WWC2: variants seen among roughly 807,000 people sequenced by gnomAD.
WWC2 encodes WW and C2 domain containing 2.
In WWC2, 101 loss-of-function variants were observed where a neutral mutation model predicts 138.5. The observed-to-expected ratio is 0.73, with a 90% CI of 0.62 to 0.86. The LOEUF (loss-of-function observed/expected upper bound fraction) is 0.86. Among genes scored for constraint, WWC2 ranks in the 40% least tolerant of loss-of-function variants. The pLI, the probability that WWC2 is intolerant of heterozygous loss-of-function variation, is 0.00. For synonymous variants in WWC2, 558 were observed against 538.4 expected (o/e 1.04, Z -0.50); for missense variants, 1,420 against 1,419.4 (o/e 1.00, Z -0.01).
chr4:183,282,214 A>G (rs891340355), intron 17 of WWC2, among the ~76,000 whole-genome samples: 1 of 152,218 alleles, frequency 6.6e-6, no homozygotes, highest in Non-Finnish European at 1.5e-5. Flanking sequence ...GGCTTTTGTT[A>G]AAAATGAGCC....
intron 1 of WWC2, among the ~76,000 whole-genome samples, chr4:183,110,399 T>A (rs1732194347): frequency 6.6e-6 from 1 of 152,170 alleles, no homozygotes. Flanking sequence ...CCTGTCACTT[T>A]GAAGCATGTC....
At chr4:183,146,617 G>A (rs1362884788) in intron 1 of WWC2, among the ~76,000 whole-genome samples, 1 of 152,152 alleles carries the variant, frequency 6.6e-6, no homozygotes, top group African/African-American at 2.4e-5. Flanking sequence ...GTGTGCACAG[G>A]CTGGCCTGCT....
rs1245352026 is a variant in WWC2 at position 183,262,431 on chromosome 4, A to G, written c.1909+899A>G. ...TTAGAAGTGCTCTCTTCCTGTTCCC[A>G]GAAGCATTTTTATTTGTATGTATGG... On this transcript the variant is annotated intron_variant, in intron 11 of 22. Transcript: ENST00000403733. 2.6e-5 allele frequency among the ~76,000 whole-genome samples: 4 copies of G among 152,232 alleles called. No individual in the cohort carries two copies. The East Asian group carries it at 7.7e-4, about 29-fold the overall frequency.
At chr4:183,241,594 T>C (rs1736623344) in intron 5 of WWC2, among the ~76,000 whole-genome samples, 1 of 152,184 alleles carries the variant, frequency 6.6e-6, no homozygotes, top group South Asian at 2.1e-4. Context: ...TGGAGAGTGC[T>C]TAGAAAAATA....
chr4:183,304,809 G>T (rs894701826), intron 21 of WWC2, among the ~76,000 whole-genome samples: 3 of 152,194 alleles, frequency 2.0e-5, no homozygotes, highest in African/African-American at 7.2e-5. Flanking sequence ...AAGGCTGTTT[G>T]CCAGAATATC....
intron 1 of WWC2, among the ~76,000 whole-genome samples, chr4:183,118,528 G>C (rs1732498755): frequency 6.6e-6 from 1 of 152,180 alleles, no homozygotes; most frequent in Admixed American, 6.5e-5. Flanking sequence ...TTATGCATGT[G>C]AAAAATCTTT....
intron 2 of WWC2, among the ~76,000 whole-genome samples, chr4:183,207,054 C>T (rs941432818): frequency 6.6e-6 from 1 of 152,176 alleles, no homozygotes; most frequent in African/African-American, 2.4e-5. Flanking sequence ...GTGGCTGGGG[C>T]ACCTTCTGGA....
intron 2 of WWC2, among the ~76,000 whole-genome samples, chr4:183,198,149 G>A (rs548016369): frequency 2.6e-5 from 4 of 152,258 alleles, no homozygotes; most frequent in South Asian, 2.1e-4. Context: ...GCTGCAATGC[G>A]CTGTGATCAC....
intron 4 of WWC2, among the ~76,000 whole-genome samples, chr4:183,223,797 C>A (rs1735992537): frequency 3.3e-5 from 5 of 152,184 alleles, no homozygotes; most frequent in Admixed American, 3.3e-4. Flanking sequence ...GTGCGGCAAT[C>A]TCGGCTCACT....
intron 4 of WWC2, among the ~76,000 whole-genome samples, chr4:183,226,095 CTTTTTTT>C (rs11321151): frequency 3.5e-5 from 4 of 113,532 alleles, no homozygotes; most frequent in Admixed American, 8.4e-5. Flanking sequence ...CTTTTCTTTT[CTTTTTTT>C]TTTTTTTTTT....
At chr4:183,166,214 T>A (rs1734124041) in intron 1 of WWC2, among the ~76,000 whole-genome samples, 1 of 152,232 alleles carries the variant, frequency 6.6e-6, no homozygotes, top group Non-Finnish European at 1.5e-5. Flanking sequence ...AAGCTTTTTT[T>A]TTTCTTCCTT....
At chr4:183,297,105 G>GGTCCCTGC (rs1738657493) in intron 21 of WWC2, among the ~76,000 whole-genome samples, 1 of 151,942 alleles carries the variant, frequency 6.6e-6, no homozygotes, top group Admixed American at 6.6e-5. Flanking sequence ...TTCCTGAGTA[G>GGTCCCTGC]CTGGGACCAC....
chr4:183,144,019 A>T (rs556696997), intron 1 of WWC2, among the ~76,000 whole-genome samples: 11 of 152,354 alleles, frequency 7.2e-5, no homozygotes, highest in African/African-American at 2.4e-4. Context: ...ATATGAAATT[A>T]AGATAACAGA....
intron 4 of WWC2, among the ~76,000 whole-genome samples, chr4:183,225,157 G>C (rs925404367): frequency 6.6e-6 from 1 of 152,144 alleles, no homozygotes; most frequent in Non-Finnish European, 1.5e-5. Context: ...CTATATGCAT[G>C]AGTGTTTATT....
At chr4:183,283,746 G>A (rs1738156512) in intron 18 of WWC2, among the ~76,000 whole-genome samples, 1 of 151,990 alleles carries the variant, frequency 6.6e-6, no homozygotes, top group African/African-American at 2.4e-5. Context: ...ATGTATAATT[G>A]CATATTCTAT....
chr4:183,183,368 GT>G (rs11313202), intron 1 of WWC2, among the ~76,000 whole-genome samples: 149,379 of 152,028 alleles, frequency 0.98, 73,433 homozygotes, highest in Middle Eastern at 1. Flanking sequence ...CATTTTAATG[GT>G]TTTTTTTAAC....
intron 1 of WWC2, among the ~76,000 whole-genome samples, chr4:183,172,305 G>C (rs908933688): frequency 2.0e-5 from 3 of 152,130 alleles, no homozygotes; most frequent in South Asian, 2.1e-4. Flanking sequence ...TCATTTGCTG[G>C]ATATCATGTC....
At chr4:183,138,206 C>T (rs1364036282) in intron 1 of WWC2, among the ~76,000 whole-genome samples, 2 of 152,176 alleles carry the variant, frequency 1.3e-5, no homozygotes, top group African/African-American at 2.4e-5. Context: ...CCCCTATAAC[C>T]TTTGGGCTGG....
At chr4:183,302,631 G>GT (rs1738884463) in intron 21 of WWC2, among the ~76,000 whole-genome samples, 1 of 152,170 alleles carries the variant, frequency 6.6e-6, no homozygotes, top group African/African-American at 2.4e-5. Context: ...GAACAGGAAA[G>GT]TTACCCTGTA....
Sources: gnomAD v4.1 joint callset for allele counts (sites outside exome capture counted in the v4.1 genomes callset) on GRCh38, gnomAD v4.1.1 for gene constraint, MANE v1.5 for transcripts, NCBI Gene and HGNC (gene_info 2026-07-23, HGNC 2026-07-21) for gene names.